The following C6orf89 variants were observed in gnomAD, a reference collection of about 807,000 sequenced individuals.
C6orf89 encodes the protein bombesin receptor-activated protein C6orf89.
In C6orf89, 29 loss-of-function variants were observed where a neutral mutation model predicts 40.7. That is an observed-to-expected ratio of 0.71 (90% CI 0.53 to 0.97). The LOEUF is 0.97. Among genes scored for constraint, C6orf89 ranks in the 50% least tolerant of loss-of-function variants. C6orf89 has a pLI of 0.00. For missense variants in C6orf89, 392 were observed against 429.1 expected, an observed-to-expected ratio of 0.91 and a Z score of 0.76; for synonymous variants, 165 against 152.2, an observed-to-expected ratio of 1.08 and a Z score of -0.62.
intron 2 of C6orf89, among the ~76,000 whole-genome samples, chr6:36,897,129 C>CAAAAAAA (rs34191608): frequency 3.5e-5 from 3 of 85,380 alleles, no homozygotes; most frequent in African/African-American, 9.2e-5. Flanking sequence ...GACTCTGTCT[C>CAAAAAAA]AAAAAAAAAA....
intron 6 of C6orf89, among the ~76,000 whole-genome samples, chr6:36,915,824 C>T (rs906277106): frequency 6.6e-6 from 1 of 152,150 alleles, no homozygotes; most frequent in African/African-American, 2.4e-5. Flanking sequence ...TCCTGCTGTT[C>T]CTTCCTGTGC....
intron 4 of C6orf89, among the ~76,000 whole-genome samples, chr6:36,909,668 G>C (rs1762051282): frequency 6.6e-6 from 1 of 151,684 alleles, no homozygotes; most frequent in South Asian, 2.1e-4. Context: ...TGTAGTCCCA[G>C]CTACTCTGGC....
chr6:36,874,760 G>A, intron 1 of C6orf89: 2 of 1,614,150 alleles, frequency 1.2e-6, no homozygotes, highest in South Asian at 1.1e-5. Flanking sequence ...GAATCTGGGG[G>A]AATTGCCGCC....
At chr6:36,883,670 C>T (rs534940076), upstream of C6orf89, among the ~76,000 whole-genome samples, 53 of 152,004 alleles carry the variant, frequency 3.5e-4, no homozygotes, top group African/African-American at 1.3e-3. Flanking sequence ...TCAGTCAAAA[C>T]TCCTCTTAAC....
chr6:36,874,704 C>A, intron 1 of C6orf89: 4 of 1,613,798 alleles, frequency 2.5e-6, no homozygotes, highest in Non-Finnish European at 3.4e-6. Flanking sequence ...CCCAGACGCC[C>A]GAACCCCCTC....
chr6:36,920,114 A>G (rs1487166686), intron 8 of C6orf89, among the ~76,000 whole-genome samples: 1 of 152,198 alleles, frequency 6.6e-6, no homozygotes, highest in African/African-American at 2.4e-5. Flanking sequence ...GAGAGGGACA[A>G]TCAAGGACTA....
At chr6:36,882,734 C>T (rs374360645), upstream of C6orf89, among the ~76,000 whole-genome samples, 6,828 of 43,444 alleles carry the variant, frequency 0.16, 363 homozygotes, top group East Asian at 0.45. Context: ...TTTCTTTTTT[C>T]TTTTTTTTTT....
intron 4 of C6orf89, among the ~76,000 whole-genome samples, chr6:36,912,764 G>A (rs565779060): frequency 2.6e-5 from 4 of 152,224 alleles, no homozygotes; most frequent in Non-Finnish European, 4.4e-5. Flanking sequence ...TTCAAGAGAT[G>A]GAGGATGCTC....
intron 4 of C6orf89, among the ~76,000 whole-genome samples, chr6:36,910,502 T>G (rs1394131784): frequency 6.6e-6 from 1 of 151,924 alleles, no homozygotes; most frequent in African/African-American, 2.4e-5. Flanking sequence ...CCAAGGCGGG[T>G]GGATTGCTTG....
At chr6:36,911,942 C>CT (rs397951585) in intron 4 of C6orf89, among the ~76,000 whole-genome samples, 6 of 133,664 alleles carry the variant, frequency 4.5e-5, no homozygotes, top group Admixed American at 3.1e-4. Flanking sequence ...CCCCCCCCCC[C>CT]GACCTTTTCC....
intron 2 of C6orf89, among the ~76,000 whole-genome samples, chr6:36,895,889 T>C (rs1761408275): frequency 6.6e-6 from 1 of 152,256 alleles, no homozygotes; most frequent in Non-Finnish European, 1.5e-5. Flanking sequence ...CTGGGTCATA[T>C]GGTAACTGTG....
intron 8 of C6orf89, among the ~76,000 whole-genome samples, chr6:36,923,000 A>G (rs987299697): frequency 6.6e-6 from 1 of 152,094 alleles, no homozygotes; most frequent in African/African-American, 2.4e-5. Flanking sequence ...ATAACTAGGA[A>G]TACTTATGCT....
chr6:36,882,340 A>G (rs1774836119), upstream of C6orf89, among the ~76,000 whole-genome samples: 1 of 152,232 alleles, frequency 6.6e-6, no homozygotes, highest in African/African-American at 2.4e-5. Context: ...TAAATATACA[A>G]TTTGAATGAA....
At chr6:36,878,128 T>C (rs1774708513) in intron 1 of C6orf89, among the ~76,000 whole-genome samples, 1 of 152,222 alleles carries the variant, frequency 6.6e-6, no homozygotes, top group Admixed American at 6.5e-5. Flanking sequence ...AGTTTCATTT[T>C]TTTCTATATG....
rs571449341 is a variant in C6orf89, at chr6:36,914,322, G to C, written c.442G>C (p.Glu148Gln). 3 of 1,614,148 alleles carry C rather than the reference G, an allele frequency of 1.9e-6. No individual in the cohort carries two copies. In the Admixed American group the frequency reaches 5.0e-5, roughly 27 times the overall value. ...PWWTNDCEQN[E>Q]SEPIPANCTG... is the part of the protein sequence containing the mutation. ...GTGGACAAACGACTGTGAGCAGAAT[G>C]AGTCAGAGCCCATTCCTGCCAACTG... is the stretch of plus-strand genomic sequence containing the variant. Residue 148 changes from glutamate (E) to glutamine (Q), a missense_variant, in exon 5 of 9, where the codon GAG becomes CAG. Transcript: ENST00000480824.
At chr6:36,872,163 T>C (rs1774524550) in intron 1 of C6orf89, among the ~76,000 whole-genome samples, 2 of 151,996 alleles carry the variant, frequency 1.3e-5, no homozygotes, top group African/African-American at 4.8e-5. Context: ...TATATATATA[T>C]AGCTATATCT....
At chr6:36,907,998 A>G (rs1026285347) in intron 4 of C6orf89, among the ~76,000 whole-genome samples, 4 of 152,222 alleles carry the variant, frequency 2.6e-5, no homozygotes, top group African/African-American at 9.7e-5. Flanking sequence ...ACAGAGGCCA[A>G]GCTGGAGTCT....
In C6orf89 at chr6:36,886,007, C is replaced by T. The variant is rs1367385992; in HGVS notation, c.-141C>T. On this transcript the variant is annotated 5_prime_UTR_variant, in exon 1 of 9. Transcript: ENST00000480824. ...CAGCTGTCCCCGAGGCGGGAGGAGC[C>T]CGAGGGGCGCGAGCCCCGCATGTGA... 9.0e-7 allele frequency: 1 copy of T among 1,111,362 alleles called. No individual in the cohort carries two copies. The highest frequency in any genetic ancestry group is 1.1e-6 in the Non-Finnish European group (1 of 933,538). 68.8% of individuals were successfully genotyped at this position (1,111,362 alleles called of 1,614,324 possible).
At chr6:36,898,349 G>T (rs867835086) in intron 2 of C6orf89, among the ~76,000 whole-genome samples, 5 of 149,148 alleles carry the variant, frequency 3.4e-5, no homozygotes, top group Admixed American at 6.8e-5. Context: ...GCGTGATCTC[G>T]GCTCACCACA....
Sources: allele counts gnomAD v4.1 joint callset (sites outside exome capture counted in the v4.1 genomes callset), GRCh38; gene constraint gnomAD v4.1.1; transcripts MANE v1.5; gene names NCBI Gene and HGNC (gene_info 2026-07-23, HGNC 2026-07-21).